Variants in CBR4 observed in about 807,000 individuals in gnomAD.
CBR4 encodes the protein carbonyl reductase 4, also known as 3-oxoacyl-[acyl-carrier-protein] reductase.
Under a neutral mutation model 21.0 loss-of-function variants are expected in CBR4, and 22 were observed. The observed-to-expected ratio is 1.05, with a 90% CI of 0.75 to 1.50. The LOEUF (loss-of-function observed/expected upper bound fraction) is 1.50, where lower values mean the gene tolerates loss of function less well. CBR4 is among the 40% of genes most tolerant of loss of function. The pLI is 0.00. For missense variants in CBR4, 302 were observed against 286.3 expected (o/e 1.05, Z -0.40); for synonymous variants, 100 against 104.4 (o/e 0.96, Z 0.26).
At chr4:168,962,627 A>G (rs1763894412) in intron 2 of CBR4, among the ~76,000 whole-genome samples, 1 of 152,232 alleles carries the variant, frequency 6.6e-6, no homozygotes, top group Non-Finnish European at 1.5e-5. Flanking sequence ...AATCTGTAGG[A>G]TATTCAAGAA....
At chr4:168,924,866 T>G in intron 2 of CBR4, 2 of 1,383,276 alleles carry the variant, frequency 1.4e-6, no homozygotes, top group African/African-American at 1.4e-5. Flanking sequence ...TTTCTAATGA[T>G]CTAATTAAAA....
rs144657298 is a variant in CBR4 at position 169,005,760 on chromosome 4, A to T, written c.400+995T>A. 70 of 574,174 alleles carry T rather than the reference A, an allele frequency of 1.2e-4. 1 individual carries two copies. The East Asian group carries it at 4.8e-3, about 39-fold the overall frequency. 35.6% of individuals were successfully genotyped at this position (574,174 alleles called of 1,614,324 possible). A position where few individuals can be genotyped will look rare whatever the true frequency, so the allele number is the denominator to read the frequency against. On this transcript the variant is annotated intron_variant, in intron 3 of 4. Transcript: ENST00000306193. ...AAATTTTTAAGAGTAAATGTCCAAA[A>T]TGCTCTCATGTCCCCTTAGTTTATT...
At chr4:168,940,632 C>G (rs1342318820) in intron 2 of CBR4, among the ~76,000 whole-genome samples, 2 of 151,652 alleles carry the variant, frequency 1.3e-5, no homozygotes, top group African/African-American at 2.4e-5. Context: ...AGAATATGAA[C>G]AGACACTTCT....
intron 2 of CBR4, among the ~76,000 whole-genome samples, chr4:168,935,201 G>A (rs1300831913): frequency 2.0e-5 from 3 of 152,184 alleles, no homozygotes; most frequent in African/African-American, 7.2e-5. Flanking sequence ...CTAGCCAAGG[G>A]AAGCCGTGAG....
At chr4:168,911,665 AT>A (rs1758982681) in intron 2 of CBR4, among the ~76,000 whole-genome samples, 1 of 152,190 alleles carries the variant, frequency 6.6e-6, no homozygotes, top group Admixed American at 6.5e-5. Context: ...GATGAAATTA[AT>A]TTTTAGATTT....
At chr4:168,962,403 A>C (rs2126730619) in intron 2 of CBR4, among the ~76,000 whole-genome samples, 1 of 152,378 alleles carries the variant, frequency 6.6e-6, no homozygotes. Flanking sequence ...AGGGGTTAGA[A>C]GAACTCAAGG....
At chr4:168,897,245 G>C (rs934304039) in intron 2 of CBR4, among the ~76,000 whole-genome samples, 7 of 152,076 alleles carry the variant, frequency 4.6e-5, no homozygotes, top group Non-Finnish European at 2.9e-5. Flanking sequence ...TTCTTCAAGG[G>C]ATTAATTTGA....
intron 2 of CBR4, among the ~76,000 whole-genome samples, chr4:168,960,162 ACT>A (rs1001567049): frequency 1.3e-5 from 2 of 152,050 alleles, no homozygotes; most frequent in African/African-American, 4.8e-5. Flanking sequence ...AAGAAGCAGA[ACT>A]CTCTGTCTTT....
In CBR4 at chr4:168,989,258, A is replaced by C. The variant is rs536045037; in HGVS notation, c.*892T>G. On this transcript the variant is annotated 3_prime_UTR_variant, in exon 5 of 5. Transcript: ENST00000306193. ...CGTTTTTAAATATTAATAGTTCACT[A>C]TTCTAAGTTTTTCATGAATAAAAAA... The C allele has an allele frequency of 1.0e-6, 1 of 983,504 alleles. No individual in the cohort carries two copies. Among genetic ancestry groups the C allele is most frequent in the Non-Finnish European group, 1.2e-6 (1 of 828,178 alleles). The allele number at this position is 983,504 out of a possible 1,614,324, so 60.9% of individuals were successfully genotyped here. A position where few individuals can be genotyped will look rare whatever the true frequency, so the allele number is the denominator to read the frequency against.
chr4:168,992,378 A>C (rs1013041993), intron 4 of CBR4, among the ~76,000 whole-genome samples: 5 of 152,184 alleles, frequency 3.3e-5, no homozygotes, highest in South Asian at 2.1e-4. Context: ...GTGAATAAGA[A>C]ATTACCTAAT....
intron 2 of CBR4, among the ~76,000 whole-genome samples, chr4:168,930,423 ATTAC>A (rs1282979269): frequency 5.3e-5 from 8 of 152,234 alleles, no homozygotes; most frequent in African/African-American, 7.2e-5. Flanking sequence ...ACAATGAAAT[ATTAC>A]TTACTATTCA....
chr4:168,996,366 T>C (rs1579005044), intron 4 of CBR4, among the ~76,000 whole-genome samples: 2 of 152,092 alleles, frequency 1.3e-5, no homozygotes, highest in Non-Finnish European at 2.9e-5. Flanking sequence ...TACAGAAAAA[T>C]TGAACACAAC....
intron 2 of CBR4, among the ~76,000 whole-genome samples, chr4:168,966,356 CAAAA>C (rs1215042926): frequency 4.0e-5 from 3 of 75,182 alleles, no homozygotes; most frequent in African/African-American, 5.5e-5. Flanking sequence ...ACTAAAAATA[CAAAA>C]AAAAAAAAAA....
chr4:168,918,325 G>GAGATATAT (rs1553981956), intron 2 of CBR4, among the ~76,000 whole-genome samples: 4 of 149,558 alleles, frequency 2.7e-5, no homozygotes, highest in African/African-American at 7.3e-5. Context: ...GAAAATATGA[G>GAGATATAT]ATATATATAT....
At chr4:168,919,244 G>T (rs1205369064) in intron 2 of CBR4, among the ~76,000 whole-genome samples, 2 of 152,090 alleles carry the variant, frequency 1.3e-5, no homozygotes, top group Non-Finnish European at 2.9e-5. Context: ...TGAAAAATCG[G>T]CCAGGCACGT....
intron 1 of CBR4, among the ~76,000 whole-genome samples, chr4:169,008,135 T>C (rs1731078109): frequency 6.6e-6 from 1 of 152,200 alleles, no homozygotes; most frequent in African/African-American, 2.4e-5. Context: ...TTATGTCTAA[T>C]TCTGTCAGGT....
intron 3 of CBR4, chr4:168,894,526 C>T (rs1468631664): frequency 2.7e-6 from 3 of 1,092,010 alleles, no homozygotes; most frequent in South Asian, 1.3e-5. Flanking sequence ...TAGGGCAGTA[C>T]ATATTTGTGA....
chr4:168,923,094 T>A (rs994659587), intron 2 of CBR4, among the ~76,000 whole-genome samples: 2 of 152,222 alleles, frequency 1.3e-5, no homozygotes, highest in African/African-American at 2.4e-5. Context: ...TGCTGCAAAG[T>A]GGTAGATGTT....
At chr4:168,956,549 G>A (rs931488485) in intron 2 of CBR4, among the ~76,000 whole-genome samples, 2 of 122,836 alleles carry the variant, frequency 1.6e-5, no homozygotes, top group Non-Finnish European at 3.1e-5. Flanking sequence ...AGTGAACTGA[G>A]ACTGCACCAC....
Sources: gnomAD v4.1 joint callset for allele counts (sites outside exome capture counted in the v4.1 genomes callset) on GRCh38, gnomAD v4.1.1 for gene constraint, MANE v1.5 for transcripts, NCBI Gene and HGNC (gene_info 2026-07-23, HGNC 2026-07-21) for gene names.